OPTN: variants seen among roughly 807,000 people sequenced by gnomAD.
OPTN encodes the protein optineurin, also known as E3-14.7K-interacting protein.
Under a neutral mutation model 70.4 loss-of-function variants are expected in OPTN, and 54 were observed. The observed-to-expected ratio is 0.77, with a 90% CI of 0.62 to 0.96. OPTN has a LOEUF of 0.96. OPTN is among the 40% of genes least tolerant of loss of function. The probability of loss-of-function intolerance (pLI) is 0.00; values close to 1 mark genes in which losing one functional copy is unlikely to be tolerated. For synonymous variants in OPTN, 256 were observed against 248.5 expected, an observed-to-expected ratio of 1.03 and a Z score of -0.28; for missense variants, 624 against 673.2, an observed-to-expected ratio of 0.93 and a Z score of 0.81.
intron 1 of OPTN, among the ~76,000 whole-genome samples, chr10:13,104,080 T>C (rs1832806761): frequency 1.3e-5 from 2 of 152,166 alleles, no homozygotes. Context: ...CAGTTGAATG[T>C]AGCTCAAGGT....
intron 1 of OPTN, among the ~76,000 whole-genome samples, chr10:13,106,336 A>G (rs1832864165): frequency 6.6e-6 from 1 of 152,216 alleles, no homozygotes; most frequent in Non-Finnish European, 1.5e-5. Flanking sequence ...TTAGAAACTG[A>G]TGGTCTATTC....
In OPTN at chr10:13,130,826, TTCAC is replaced by T. The variant is rs1833579841; in HGVS notation, c.1402-1237_1402-1234del. On this transcript the variant is annotated intron_variant, in intron 12 of 14. Coordinates refer to ENST00000378747, the MANE Select transcript of OPTN (RefSeq NM_001008212.2). ...TTAAATTCCAATACCAATGGAACAG[TTCAC>T]TCAATTAGCTGACAGCATTAAATAT... 2.0e-5 allele frequency among the ~76,000 whole-genome samples: 3 copies of T among 152,090 alleles called. No homozygotes were observed. The South Asian group carries it at 6.2e-4, about 32-fold the overall frequency.
chr10:13,126,523 A>G (rs914480424), intron 11 of OPTN, among the ~76,000 whole-genome samples: 5 of 146,516 alleles, frequency 3.4e-5, no homozygotes, highest in Non-Finnish European at 6.0e-5. Context: ...CTCGTGATCC[A>G]CCCGCCTCGG....
Position 13,116,250 on chromosome 10 carries a change from C to T in OPTN, c.553-17C>T, listed in dbSNP as rs201995280. 1.4e-5 allele frequency: 22 copies of T among 1,520,064 alleles called. No homozygotes were observed. The African/African-American group carries it at 1.9e-4, about 13-fold the overall frequency. The allele number at this position is 1,520,064 out of a possible 1,614,324, so 94.2% of individuals were successfully genotyped here. On this transcript the variant is annotated splice_polypyrimidine_tract_variant and intron_variant, in intron 5 of 14. Transcript: ENST00000378747. The stretch of plus-strand genomic sequence containing the variant: ...TAGACATATTGTGTTAAATCCCTTG[C>T]ATTTCTGTTTTCACAGGAAGGAGAA...
At chr10:13,105,999 T>C (rs1424519030) in intron 1 of OPTN, among the ~76,000 whole-genome samples, 1 of 152,128 alleles carries the variant, frequency 6.6e-6, no homozygotes, top group Non-Finnish European at 1.5e-5. Context: ...TCCCCTCCCC[T>C]TCCTTTCATT....
intron 7 of OPTN, among the ~76,000 whole-genome samples, chr10:13,120,457 G>A (rs1474112833): frequency 4.0e-5 from 6 of 151,502 alleles, no homozygotes; most frequent in Admixed American, 4.0e-4. Context: ...AGGTCACAAA[G>A]ATTTACTCCT....
chr10:13,129,194 T>C (rs187442081), intron 12 of OPTN, among the ~76,000 whole-genome samples: 2 of 152,248 alleles, frequency 1.3e-5, no homozygotes, highest in Admixed American at 1.3e-4. Flanking sequence ...TCCAGTTAAC[T>C]TGGCACCATT....
intron 14 of OPTN, among the ~76,000 whole-genome samples, chr10:13,136,360 T>G (rs774137193): frequency 4.0e-5 from 6 of 151,542 alleles, no homozygotes; most frequent in Non-Finnish European, 8.8e-5. Context: ...ATACAAAAAT[T>G]AGCTGGGCGT....
At chr10:13,109,351 TG>T in intron 3 of OPTN, 63 bp downstream of exon 3, 1 of 1,557,232 alleles carries the variant, frequency 6.4e-7, no homozygotes, top group Non-Finnish European at 8.9e-7. Flanking sequence ...GCCATCCCTT[TG>T]CACTAAGGCT....
In OPTN at chr10:13,109,853, A is replaced by AAAG. The variant is rs1554768326; in HGVS notation, c.167-421_167-420insAAG. 5.2e-3 allele frequency among the ~76,000 whole-genome samples: 723 copies of AAAG among 139,284 alleles called. 25 individuals are homozygous for AAAG. Among genetic ancestry groups the AAAG allele is most frequent in the East Asian group, 0.038 (178 of 4,630 alleles). 91.4% of individuals were successfully genotyped at this position (139,284 alleles called of 152,430 possible). On this transcript the variant is annotated intron_variant, in intron 3 of 14. Transcript: ENST00000378747. ...CTGACTCAAAAAAAAAAAAAAAAAA[A>AAAG]GGAAAAAGGAAGAAAGGCTGCTATG...
At chr10:13,121,210 A>C (rs1833341112) in intron 7 of OPTN, among the ~76,000 whole-genome samples, 1 of 152,196 alleles carries the variant, frequency 6.6e-6, no homozygotes, top group African/African-American at 2.4e-5. Flanking sequence ...GAAGGGAATC[A>C]GAAGGTGGAG....
intron 14 of OPTN, among the ~76,000 whole-genome samples, chr10:13,134,695 T>C (rs1833662891): frequency 6.6e-6 from 1 of 152,010 alleles, no homozygotes. Context: ...CCCAAAGTGC[T>C]GGGATTACAG....
intron 12 of OPTN, chr10:13,131,579 A>AAAT: frequency 6.4e-6 from 1 of 155,142 alleles, no homozygotes. Context: ...TCATAAGGTA[A>AAAT]AATAAGATAG....
Position 13,137,465 on chromosome 10 carries a change from G to A in OPTN, c.*599G>A. ...TGATGCGAGCAGCTGCACTGCTCAT[G>A]CAGTTAGCTAGCATGTGACATCATG... On this transcript the variant is annotated 3_prime_UTR_variant, in exon 15 of 15. Transcript: ENST00000378747. 8.8e-6 allele frequency: 2 copies of A among 228,300 alleles called. No homozygotes were observed. The highest frequency in any genetic ancestry group is 6.4e-5 in the East Asian group (1 of 15,740). 14.1% of individuals were successfully genotyped at this position (228,300 alleles called of 1,614,324 possible). A position where few individuals can be genotyped will look rare whatever the true frequency, so the allele number is the denominator to read the frequency against.
At chr10:13,128,501 C>A (rs1478004507) in intron 12 of OPTN, among the ~76,000 whole-genome samples, 1 of 53,108 alleles carries the variant, frequency 1.9e-5, no homozygotes, top group Admixed American at 2.0e-4. Context: ...ATCAAGCCTG[C>A]CTTTTTTTTT....
At chr10:13,111,671 G>A (rs990593075) in intron 4 of OPTN, among the ~76,000 whole-genome samples, 14 of 151,774 alleles carry the variant, frequency 9.2e-5, no homozygotes, top group Admixed American at 2.6e-4. Flanking sequence ...GCACTCCAAT[G>A]GGCGACAGAG....
chr10:13,118,215 A>G (rs1212911857), intron 6 of OPTN, among the ~76,000 whole-genome samples: 3 of 152,232 alleles, frequency 2.0e-5, no homozygotes, highest in African/African-American at 7.2e-5. Flanking sequence ...CTGGCTGTTT[A>G]TTAGCTATGC....
At chr10:13,136,476 C>G (rs989743683) in intron 14 of OPTN, among the ~76,000 whole-genome samples, 1 of 138,756 alleles carries the variant, frequency 7.2e-6, no homozygotes, top group Admixed American at 7.8e-5. Context: ...CCACTGCCCT[C>G]CAGCCTGGGT....
At chr10:13,114,169 C>G (rs190450104) in intron 5 of OPTN, among the ~76,000 whole-genome samples, 1 of 152,064 alleles carries the variant, frequency 6.6e-6, no homozygotes, top group Non-Finnish European at 1.5e-5. Flanking sequence ...TGCAAAAAAG[C>G]TCACCTACTG....
Sources: gnomAD v4.1 joint callset for allele counts (sites outside exome capture counted in the v4.1 genomes callset) on GRCh38, gnomAD v4.1.1 for gene constraint, MANE v1.5 for transcripts, NCBI Gene and HGNC (gene_info 2026-07-23, HGNC 2026-07-21) for gene names.